Variants in GAD2 observed in about 807,000 individuals in gnomAD.
GAD2 encodes glutamate decarboxylase 2.
In GAD2, 22 loss-of-function variants were observed where a neutral mutation model predicts 80.1. That is an observed-to-expected ratio of 0.27 (90% CI 0.20 to 0.39). GAD2 has a LOEUF of 0.39. Ranked by LOEUF, GAD2 falls within the 10% of genes least tolerant of loss-of-function variation. The pLI, the probability that GAD2 is intolerant of heterozygous loss-of-function variation, is 1.00. For synonymous variants in GAD2, 274 were observed against 256.9 expected (o/e 1.07, Z -0.64); for missense variants, 624 against 738.4 (o/e 0.85, Z 1.80).
intron 7 of GAD2, among the ~76,000 whole-genome samples, chr10:26,245,186 T>G (rs1844790346): frequency 6.9e-6 from 1 of 144,460 alleles, no homozygotes; most frequent in South Asian, 2.2e-4. Flanking sequence ...AGAAAAAAGT[T>G]AATAATGCAC....
rs1192529740 is a variant in GAD2 at position 26,248,360 on chromosome 10, G to GTGCCTCCCTCCAGGCCCTTCA, written c.920+2361_920+2381dup. Reference sequence around the variant, plus strand: ...AGAATGCTAGCTCTGGCCCAGGGGTGTGCCTCCCTCCAGGCCCTTCAGGAA... The same window carrying GTGCCTCCCTCCAGGCCCTTCA: ...AGAATGCTAGCTCTGGCCCAGGGGTGTGCCTCCCTCCAGGCCCTTCATGCCTCCCTCCAGGCCCTTCAGGAA... On this transcript the variant is annotated intron_variant, in intron 8 of 15. Coordinates refer to ENST00000376261, the MANE Select transcript of GAD2 (RefSeq NM_001134366.2). 3.9e-5 allele frequency among the ~76,000 whole-genome samples: 6 copies of GTGCCTCCCTCCAGGCCCTTCA among 152,306 alleles called. No individual in the cohort carries two copies. In the East Asian group the frequency reaches 1.2e-3, roughly 29 times the overall value.
At chr10:26,216,763 G>GC, upstream of GAD2, 1 of 1,554,692 alleles carries the variant, frequency 6.4e-7, no homozygotes, top group Non-Finnish European at 8.8e-7. This position sits in a 1 kb window ranked among gnomAD's most constrained non-coding sequence, Gnocchi z 4.7. Context: ...GAGGCAGCTC[G>GC]CCCGCAGCTC....
chr10:26,227,777 T>G (rs1844547974), intron 6 of GAD2, among the ~76,000 whole-genome samples: 1 of 152,190 alleles, frequency 6.6e-6, no homozygotes, highest in South Asian at 2.1e-4. Context: ...GGAATTTCCT[T>G]CTGAAGCAGA....
At chr10:26,292,664 T>A in intron 14 of GAD2, 92 bp downstream of exon 14, 1 of 1,044,346 alleles carries the variant, frequency 9.6e-7, no homozygotes, top group Non-Finnish European at 1.5e-6. Context: ...TCCAGGTAAG[T>A]GGGACGATTA....
At chr10:26,273,730 A>G (rs1344944013) in intron 11 of GAD2, 30 bp downstream of exon 11, 6 of 1,577,324 alleles carry the variant, frequency 3.8e-6, no homozygotes, top group South Asian at 3.4e-5. Context: ...TTAACAACAT[A>G]AAGTGTTAAA....
intron 11 of GAD2, among the ~76,000 whole-genome samples, chr10:26,279,556 C>T (rs1269299471): frequency 6.6e-6 from 1 of 152,160 alleles, no homozygotes; most frequent in Non-Finnish European, 1.5e-5. Flanking sequence ...GGGCCATAAA[C>T]AGAGATAGAA....
At chr10:26,226,184 T>C (rs1268531147) in intron 6 of GAD2, among the ~76,000 whole-genome samples, 1 of 152,208 alleles carries the variant, frequency 6.6e-6, no homozygotes, top group Non-Finnish European at 1.5e-5. Flanking sequence ...CTGTTGACCC[T>C]GAAAATTTGA....
chr10:26,228,970 A>G (rs1019579281), intron 6 of GAD2, among the ~76,000 whole-genome samples: 1 of 152,138 alleles, frequency 6.6e-6, no homozygotes. Context: ...CGGGTGGATC[A>G]TTTGAGGTCA....
At chr10:26,230,805 G>A (rs1179564022) in intron 7 of GAD2, among the ~76,000 whole-genome samples, 5 of 151,750 alleles carry the variant, frequency 3.3e-5, no homozygotes, top group South Asian at 2.1e-4. Context: ...AAATAGCACC[G>A]TACCAGGCAC....
chr10:26,218,551 TCACACACACACACACACA>T (rs59054319), intron 3 of GAD2, among the ~76,000 whole-genome samples: 1 of 118,780 alleles, frequency 8.4e-6, no homozygotes, highest in Admixed American at 8.8e-5. Context: ...TCTCTCTCTC[TCACACACACACACACACA>T]CACACACACA....
intron 5 of GAD2, 148 bp from the exon 6 acceptor site, chr10:26,224,391 T>G: frequency 1.5e-6 from 1 of 661,970 alleles, no homozygotes; most frequent in Non-Finnish European, 2.6e-6. Context: ...AAGGCCTTTT[T>G]GAAATAATTT....
intron 11 of GAD2, among the ~76,000 whole-genome samples, chr10:26,280,580 T>G (rs975327489): frequency 6.6e-6 from 1 of 152,082 alleles, no homozygotes; most frequent in African/African-American, 2.4e-5. Flanking sequence ...GGTAACTGAA[T>G]AGGATGGGAG....
At chr10:26,258,400 G>C (rs990626548) in intron 8 of GAD2, among the ~76,000 whole-genome samples, 1 of 152,060 alleles carries the variant, frequency 6.6e-6, no homozygotes, top group East Asian at 1.9e-4. Context: ...TAAAATTTCC[G>C]ATCTGAGCCA....
At chr10:26,232,433 T>C (rs1361826101) in intron 7 of GAD2, among the ~76,000 whole-genome samples, 1 of 151,616 alleles carries the variant, frequency 6.6e-6, no homozygotes, top group Non-Finnish European at 1.5e-5. Flanking sequence ...ACAATTTTGC[T>C]CTACCTTCTT....
chr10:26,250,877 CTTTTTTT>C (rs1181428173), intron 8 of GAD2, among the ~76,000 whole-genome samples: 5 of 112,952 alleles, frequency 4.4e-5, no homozygotes, highest in Non-Finnish European at 8.8e-5. Context: ...GTTTTTTTTC[CTTTTTTT>C]TTTTTTTTTT....
At chr10:26,227,017 G>T (rs953745501) in intron 6 of GAD2, among the ~76,000 whole-genome samples, 2 of 152,144 alleles carry the variant, frequency 1.3e-5, no homozygotes, top group Non-Finnish European at 2.9e-5. Flanking sequence ...TTTTGAGACA[G>T]AGTCTCACTC....
intron 7 of GAD2, among the ~76,000 whole-genome samples, chr10:26,230,803 C>A (rs556435974): frequency 6.6e-6 from 1 of 151,938 alleles, no homozygotes; most frequent in African/African-American, 2.4e-5. Flanking sequence ...AGAAATAGCA[C>A]CGTACCAGGC....
At chr10:26,218,565 A>T (rs1326465373) in intron 3 of GAD2, among the ~76,000 whole-genome samples, 7 of 151,248 alleles carry the variant, frequency 4.6e-5, no homozygotes, top group East Asian at 3.9e-4. Flanking sequence ...ACACACACAC[A>T]CACACACACA....
chr10:26,281,023 C>T lies in GAD2; in HGVS notation c.1172C>T (p.Thr391Met), dbSNP rs1406817819. The T allele has an allele frequency of 3.8e-5, 61 of 1,613,524 alleles. No individual in the cohort carries two copies. The highest frequency in any genetic ancestry group is 5.0e-5 in the Non-Finnish European group (59 of 1,179,646). The change falls in exon 12 of 16, where the codon ACG becomes ATG. Residue 391 changes from threonine (T) to methionine (M), a missense_variant. Physicochemically the swap from Thr to Met is moderately conservative, Grantham distance 81 (BLOSUM62 -1). Coordinates refer to ENST00000376261, the MANE Select transcript of GAD2 (RefSeq NM_001134366.2). The part of the protein sequence containing the change: ...LSGVERANSV[T>M]WNPHKMMGVP... ...CTTTATTTTAGGGCCAACTCTGTGA[C>T]GTGGAATCCACACAAGATGATGGGA...
Sources: allele counts gnomAD v4.1 joint callset (sites outside exome capture counted in the v4.1 genomes callset), GRCh38; gene constraint gnomAD v4.1.1; non-coding constraint Gnocchi (gnomAD v3.1); transcripts MANE v1.5; gene names NCBI Gene and HGNC (gene_info 2026-07-23, HGNC 2026-07-21).